Variants in HIVEP2 observed in about 807,000 individuals in gnomAD.
HIVEP2 encodes the protein HIVEP zinc finger 2.
A neutral mutation model predicts 180.7 loss-of-function variants in HIVEP2; 14 were observed. That is an observed-to-expected ratio of 0.08 (90% confidence interval 0.05 to 0.12). HIVEP2 has a LOEUF of 0.12. Ranked by LOEUF, HIVEP2 falls within the 10% of genes least tolerant of loss-of-function variation. HIVEP2 has a pLI of 1.00. For synonymous variants in HIVEP2, 1,184 were observed against 1,136.4 expected, an observed-to-expected ratio of 1.04 and a Z score of -0.84; for missense variants, 2,579 against 3,008.5, an observed-to-expected ratio of 0.86 and a Z score of 3.34.
chr6:142,877,845 G>T (rs1776482717), intron 1 of HIVEP2, among the ~76,000 whole-genome samples: 1 of 152,188 alleles, frequency 6.6e-6, no homozygotes, highest in Admixed American at 6.5e-5. Context: ...ACATGGGCTT[G>T]TAAAAGGTAT....
chr6:142,912,671 G>A (rs368079401), intron 1 of HIVEP2, among the ~76,000 whole-genome samples: 43 of 152,328 alleles, frequency 2.8e-4, no homozygotes, highest in African/African-American at 8.4e-4. Flanking sequence ...TCATAGGAGC[G>A]TGAAACCGAC....
chr6:142,900,483 C>T (rs564029292), intron 1 of HIVEP2, among the ~76,000 whole-genome samples: 5 of 152,294 alleles, frequency 3.3e-5, no homozygotes, highest in Admixed American at 3.3e-4. Context: ...GAGAAGAAAG[C>T]TGACTACGGC....
chr6:142,809,760 A>AT (rs1428245415), intron 2 of HIVEP2, among the ~76,000 whole-genome samples: 1 of 151,780 alleles, frequency 6.6e-6, no homozygotes, highest in Non-Finnish European at 1.5e-5. Context: ...TGTCCTGCTA[A>AT]TTTTTTGTAT....
chr6:142,928,986 G>A (rs1211849836), intron 1 of HIVEP2, among the ~76,000 whole-genome samples: 1 of 152,138 alleles, frequency 6.6e-6, no homozygotes, highest in African/African-American at 2.4e-5. Flanking sequence ...TGATTCCACT[G>A]TATCCAATCC....
chr6:142,761,432 G>A, intron 8 of HIVEP2, 32 bp downstream of exon 8: 1 of 1,058,856 alleles, frequency 9.4e-7, no homozygotes, highest in Non-Finnish European at 1.5e-6. Flanking sequence ...GCATAATGAA[G>A]AGGTCTGTCA....
At chr6:142,840,588 G>A (rs539326397) in intron 1 of HIVEP2, among the ~76,000 whole-genome samples, 108 of 151,854 alleles carry the variant, frequency 7.1e-4, no homozygotes, top group Middle Eastern at 6.8e-3. Flanking sequence ...TTAACATTTC[G>A]TAAGTATGTT....
At chr6:142,885,424 C>A (rs912292261) in intron 1 of HIVEP2, among the ~76,000 whole-genome samples, 3 of 152,026 alleles carry the variant, frequency 2.0e-5, no homozygotes, top group African/African-American at 4.8e-5. Context: ...CCCCTGTCTT[C>A]AAGCATTCAG....
rs576486406 is a variant in HIVEP2 at position 142,797,389 on chromosome 6, A to T, written c.-527-13774T>A. ...TAGTTGTAACTCATCAAAAGTAACA[A>T]GTCTGAAATACTTTAGTCAGGGAGA... is the stretch of plus-strand genomic sequence containing the variant. On this transcript the variant is annotated intron_variant, in intron 2 of 9. Transcript: ENST00000367603. 2.5e-3 allele frequency among the ~76,000 whole-genome samples: 385 copies of T among 152,318 alleles called. 3 individuals carry two copies. Among genetic ancestry groups the T allele is most frequent in the African/African-American group, 8.7e-3 (362 of 41,584 alleles).
chr6:142,921,167 T>A (rs1198880539), intron 1 of HIVEP2, among the ~76,000 whole-genome samples: 1 of 152,156 alleles, frequency 6.6e-6, no homozygotes, highest in African/African-American at 2.4e-5. Context: ...GACAAGATAT[T>A]TAACTTCTCT....
At chr6:142,915,074 T>C (rs1003158951) in intron 1 of HIVEP2, among the ~76,000 whole-genome samples, 33 of 152,312 alleles carry the variant, frequency 2.2e-4, no homozygotes, top group Non-Finnish European at 4.3e-4. Context: ...CTGGACACAA[T>C]AATATTAAAA....
chr6:142,832,462 AAGG>A (rs1775113936), intron 2 of HIVEP2, among the ~76,000 whole-genome samples: 1 of 152,202 alleles, frequency 6.6e-6, no homozygotes, highest in Non-Finnish European at 1.5e-5. Flanking sequence ...GATGCGGGCA[AAGG>A]AGCTCAAACA....
At chr6:142,879,105 A>G (rs1225962173) in intron 1 of HIVEP2, among the ~76,000 whole-genome samples, 2 of 152,334 alleles carry the variant, frequency 1.3e-5, no homozygotes, top group Non-Finnish European at 2.9e-5. Flanking sequence ...GTAAATTACG[A>G]AAGCCGGCAA....
At chr6:142,925,203 A>C in intron 1 of HIVEP2, among the ~76,000 whole-genome samples, 1 of 152,198 alleles carries the variant, frequency 6.6e-6, no homozygotes, top group East Asian at 1.9e-4. Context: ...GAGAATCAAT[A>C]TTTTTAGAAA....
At chr6:142,882,927 C>T (rs953075147) in intron 1 of HIVEP2, among the ~76,000 whole-genome samples, 1 of 152,104 alleles carries the variant, frequency 6.6e-6, no homozygotes, top group African/African-American at 2.4e-5. Flanking sequence ...AACTCCATCA[C>T]CTGCACTGAC....
At chr6:142,891,788 C>A (rs543563925) in intron 1 of HIVEP2, among the ~76,000 whole-genome samples, 12 of 152,338 alleles carry the variant, frequency 7.9e-5, no homozygotes, top group African/African-American at 2.9e-4. Context: ...ACACGGCCCC[C>A]GATGGTCTAA....
chr6:142,877,996 T>C (rs1401299379), intron 1 of HIVEP2, among the ~76,000 whole-genome samples: 2 of 152,044 alleles, frequency 1.3e-5, no homozygotes, highest in African/African-American at 2.4e-5. Flanking sequence ...GTGTGTGTCT[T>C]AACATGGAGC....
At chr6:142,821,910 C>G (rs1777050595) in intron 2 of HIVEP2, among the ~76,000 whole-genome samples, 1 of 152,200 alleles carries the variant, frequency 6.6e-6, no homozygotes, top group South Asian at 2.1e-4. Context: ...CCACCACCTC[C>G]AGGCCTGGAA....
intron 1 of HIVEP2, among the ~76,000 whole-genome samples, chr6:142,911,794 T>C (rs894275799): frequency 6.6e-6 from 1 of 152,226 alleles, no homozygotes; most frequent in African/African-American, 2.4e-5. Flanking sequence ...CTGTGATGCG[T>C]ATGTGTGCAT....
In HIVEP2 at chr6:142,906,495, AAAC is replaced by A. The variant is rs140199308; in HGVS notation, c.-641+38601_-641+38603del. Reference sequence around the variant, plus strand: ...TTAATTATTATTAAAATGCAAACCAAAACAACAATGCAGTCAAAATTTTTACTT... The same window carrying A: ...TTAATTATTATTAAAATGCAAACCAAAACAATGCAGTCAAAATTTTTACTT... On this transcript the variant is annotated intron_variant, in intron 1 of 9. Coordinates refer to ENST00000367603, the MANE Select transcript of HIVEP2 (RefSeq NM_006734.4). 8.6e-3 allele frequency among the ~76,000 whole-genome samples: 1,304 copies of A among 152,194 alleles called. 82 individuals carry two copies. The East Asian group carries it at 0.17, about 20-fold the overall frequency.
Sources: allele counts gnomAD v4.1 joint callset (sites outside exome capture counted in the v4.1 genomes callset), GRCh38; gene constraint gnomAD v4.1.1; transcripts MANE v1.5; gene names NCBI Gene and HGNC (gene_info 2026-07-23, HGNC 2026-07-21).